Variants in TBCK observed in about 807,000 individuals in gnomAD.
TBCK encodes TBC domain-containing protein kinase-like protein.
Under a neutral mutation model 113.4 loss-of-function variants are expected in TBCK, and 99 were observed. That is an observed-to-expected ratio of 0.87 (90% CI 0.74 to 1.03). The LOEUF is 1.03. TBCK is among the 50% of genes least tolerant of loss of function. The pLI, the probability that TBCK is intolerant of heterozygous loss-of-function variation, is 0.00. For missense variants in TBCK, 1,045 were observed against 1,061.3 expected, an observed-to-expected ratio of 0.98 and a Z score of 0.21; for synonymous variants, 369 against 370.8, an observed-to-expected ratio of 1.00 and a Z score of 0.05.
At chr4:106,180,915 T>C (rs954883897) in intron 22 of TBCK, among the ~76,000 whole-genome samples, 1 of 152,166 alleles carries the variant, frequency 6.6e-6, no homozygotes, top group African/African-American at 2.4e-5. Flanking sequence ...GATTACTGGG[T>C]CAAATGGTAT....
At chr4:106,286,709 C>T (rs1765147982) in intron 3 of TBCK, among the ~76,000 whole-genome samples, 1 of 152,074 alleles carries the variant, frequency 6.6e-6, no homozygotes, top group African/African-American at 2.4e-5. Context: ...CACCTGTGGT[C>T]CCAGGTACTA....
In TBCK at chr4:106,095,632, A is replaced by G. The variant is rs144998853; in HGVS notation, c.2421T>C (p.Arg807=). The change falls in exon 25 of 26, where the codon CGT becomes CGC. Residue 807 remains arginine (R), a synonymous_variant. Coordinates refer to ENST00000394708, the MANE Select transcript of TBCK (RefSeq NM_001163435.3). ...TGTTGATGCTTCCTGAAATGTGACCACGAATAAAGCTGAGAAGGAAAGTTT... is the reference window on the plus strand; with the variant it reads ...TGTTGATGCTTCCTGAAATGTGACCGCGAATAAAGCTGAGAAGGAAAGTTT... The part of the protein sequence containing the change: ...VDIRNSEDFI[R]GHISGSINIP... 601 of 1,612,732 alleles carry G rather than the reference A, an allele frequency of 3.7e-4. 1 individual carries two copies. The highest frequency in any genetic ancestry group is 4.7e-4 in the Non-Finnish European group (551 of 1,179,482).
chr4:106,248,920 C>A lies in TBCK; in HGVS notation c.720+1G>T. ...GACTAAGACCCAGATTAATGACAAA[C>A]CTTTATAATGTCCAAACAACCATGC... On this transcript the variant is annotated splice_donor_variant, in intron 8 of 25. Transcript: ENST00000394708. LOFTEE classifies it high-confidence loss of function. The A allele has an allele frequency of 3.7e-6, 6 of 1,605,088 alleles. No individual in the cohort carries two copies. The highest frequency in any genetic ancestry group is 5.1e-6 in the Non-Finnish European group (6 of 1,176,826).
At chr4:106,074,907 C>G (rs1387372949) in intron 25 of TBCK, among the ~76,000 whole-genome samples, 1 of 152,178 alleles carries the variant, frequency 6.6e-6, no homozygotes, top group South Asian at 2.1e-4. Flanking sequence ...GGGAAGGGCA[C>G]AGCAGGAGAA....
chr4:106,096,245 C>A (rs1417080587), intron 24 of TBCK, among the ~76,000 whole-genome samples: 1 of 152,084 alleles, frequency 6.6e-6, no homozygotes, highest in Non-Finnish European at 1.5e-5. Flanking sequence ...TGCAGTTTTC[C>A]TGAAGAGTAA....
chr4:106,146,978 G>A (rs1747874234), intron 23 of TBCK, among the ~76,000 whole-genome samples: 1 of 152,130 alleles, frequency 6.6e-6, no homozygotes, highest in South Asian at 2.1e-4. Flanking sequence ...TCTGTACCAG[G>A]AGTAGATTCC....
At position 106,136,887 on chromosome 4, in the gene TBCK, G is replaced by A. The variant is rs1213527109; in HGVS notation, c.2236-20509C>T. ...TTGGTTAGATTAATGAAATGATAAA[G>A]AAAGAAAGATAGATGTATGAGAGCC... On this transcript the variant is annotated intron_variant, in intron 23 of 25. Transcript: ENST00000394708. Among the ~76,000 whole-genome samples the A allele has an allele frequency of 2.1e-5, 3 of 140,546 alleles. 1 individual carries two copies. Among genetic ancestry groups the A allele is most frequent in the East Asian group, 4.0e-4 (2 of 4,950 alleles). The allele number at this position is 140,546 out of a possible 152,430, so 92.2% of individuals were successfully genotyped here.
At chr4:106,126,666 A>G (rs1293247188) in intron 23 of TBCK, among the ~76,000 whole-genome samples, 4 of 152,312 alleles carry the variant, frequency 2.6e-5, no homozygotes, top group Non-Finnish European at 4.4e-5. Context: ...TGAGTGAATA[A>G]AAATATGATT....
intron 20 of TBCK, among the ~76,000 whole-genome samples, chr4:106,200,079 C>G (rs555481006): frequency 6.6e-6 from 1 of 152,266 alleles, no homozygotes; most frequent in South Asian, 2.1e-4. Context: ...TCACTGTGCT[C>G]TAGTTACAAT....
At chr4:106,176,400 A>T (rs532779555) in intron 22 of TBCK, among the ~76,000 whole-genome samples, 1 of 152,130 alleles carries the variant, frequency 6.6e-6, no homozygotes, top group South Asian at 2.1e-4. Flanking sequence ...TTTCCCAAGT[A>T]TGAGTTAGAA....
intron 23 of TBCK, among the ~76,000 whole-genome samples, chr4:106,120,939 A>C (rs1744269117): frequency 6.6e-6 from 1 of 152,202 alleles, no homozygotes; most frequent in South Asian, 2.1e-4. Context: ...GCAGTTCCTC[A>C]CCAGCAACGG....
intron 17 of TBCK, 142 bp from the exon 18 acceptor site, chr4:106,231,921 A>G (rs1758897390): frequency 2.6e-6 from 2 of 755,818 alleles, no homozygotes; most frequent in Admixed American, 5.8e-5. Context: ...ATGTTACTTC[A>G]TGAGTTACTG....
rs865995459 is a variant in TBCK, at chr4:106,311,568, T to C, written c.-29-2579A>G. Among the ~76,000 whole-genome samples the C allele has an allele frequency of 1.1e-4, 16 of 152,212 alleles. No individual in the cohort carries two copies. In the South Asian group the frequency reaches 2.7e-3, roughly 26 times the overall value. On this transcript the variant is annotated intron_variant, in intron 1 of 25. Transcript: ENST00000394708. ...AATAAGTAAGGGAATTTAAAAAAAA[T>C]ACTCAGAATATGGGTTACTACCAAA...
In TBCK at chr4:106,235,308, A is replaced by G; in HGVS notation, c.1410T>C (p.Leu470=). 2 of 1,611,028 alleles carry G rather than the reference A, an allele frequency of 1.2e-6. No individual in the cohort carries two copies. The highest frequency in any genetic ancestry group is 1.7e-6 in the Non-Finnish European group (2 of 1,178,596). The change falls in exon 15 of 26, where the codon CTT becomes CTC. Residue 470 remains leucine (L), a synonymous_variant. Transcript: ENST00000394708. ...GAGCAGCCCAGGTTAAACCTCTCAT[A>G]AGAGGAGGAATGTCAACTCTTGCTT... The part of the protein sequence containing the change: ...WKEARVDIPP[L]MRGLTWAALL...
chr4:106,171,094 C>A lies in TBCK; in HGVS notation c.2235+1G>T, dbSNP rs778219583. On this transcript the variant is annotated splice_donor_variant, in intron 23 of 25. Coordinates refer to ENST00000394708, the MANE Select transcript of TBCK (RefSeq NM_001163435.3). LOFTEE classifies it high-confidence loss of function. ...TGTAAACTAAATCCGCAAATACATACCAGATCTGTCTTTGGAGGATCTGGA... is the reference window on the plus strand; with the variant it reads ...TGTAAACTAAATCCGCAAATACATAACAGATCTGTCTTTGGAGGATCTGGA... The A allele has an allele frequency of 6.3e-7, 1 of 1,592,338 alleles. No homozygotes were observed. Among genetic ancestry groups the A allele is most frequent in the Non-Finnish European group, 8.5e-7 (1 of 1,172,474 alleles).
chr4:106,078,898 C>T (rs192431541), intron 25 of TBCK, among the ~76,000 whole-genome samples: 1 of 152,200 alleles, frequency 6.6e-6, no homozygotes, highest in African/African-American at 2.4e-5. Flanking sequence ...AAAATACATG[C>T]AAACCAAATC....
chr4:106,169,619 T>C (rs943593113), intron 23 of TBCK, among the ~76,000 whole-genome samples: 7 of 152,128 alleles, frequency 4.6e-5, no homozygotes, highest in Admixed American at 1.3e-4. Context: ...ACTGTCTTCA[T>C]GGAAGACAAT....
rs564163197 is a variant in TBCK at position 106,121,052 on chromosome 4, A to C, written c.2236-4674T>G. On this transcript the variant is annotated intron_variant, in intron 23 of 25. Transcript: ENST00000394708. ...GAGGACATTCAAACCAAAGGCAAAG[A>C]AGTTGAAAACTTTGAAAAAAAGTTA... 1.9e-4 allele frequency among the ~76,000 whole-genome samples: 29 copies of C among 152,264 alleles called. No individual in the cohort carries two copies. In the South Asian group the frequency reaches 3.9e-3, roughly 21 times the overall value.
rs192325072 is a variant in TBCK at position 106,219,707 on chromosome 4, T to G, written c.1775-6872A>C. 4.6e-3 allele frequency among the ~76,000 whole-genome samples: 680 copies of G among 149,056 alleles called. 5 individuals carry two copies. In the Middle Eastern group the frequency reaches 0.06, roughly 13 times the overall value. On this transcript the variant is annotated intron_variant, in intron 19 of 25. Coordinates refer to ENST00000394708, the MANE Select transcript of TBCK (RefSeq NM_001163435.3). ...AATACATATTTCAATGAGCTCAACTTTTTTTTTTTTAAATATAGACTGGGT... is the reference window on the plus strand; with the variant it reads ...AATACATATTTCAATGAGCTCAACTGTTTTTTTTTTAAATATAGACTGGGT...
Sources: allele counts gnomAD v4.1 joint callset (sites outside exome capture counted in the v4.1 genomes callset), GRCh38; gene constraint gnomAD v4.1.1; transcripts MANE v1.5; gene names NCBI Gene and HGNC (gene_info 2026-07-23, HGNC 2026-07-21).